Variants in GPC5 observed in about 807,000 individuals in gnomAD.
The protein encoded by GPC5 is glypican-5.
A neutral mutation model predicts 53.9 loss-of-function variants in GPC5; 47 were observed. That is an observed-to-expected ratio of 0.87 (90% CI 0.69 to 1.11). GPC5 has a LOEUF of 1.11. GPC5 is among the 50% of genes most tolerant of loss of function. The probability of loss-of-function intolerance (pLI) is 0.00; values close to 1 mark genes in which losing one functional copy is unlikely to be tolerated. For missense variants in GPC5, 748 were observed against 713.1 expected (o/e 1.05, Z -0.56); for synonymous variants, 286 against 263.3 (o/e 1.09, Z -0.84).
intron 7 of GPC5, among the ~76,000 whole-genome samples, chr13:92,815,384 A>C (rs1324987641): frequency 6.6e-6 from 1 of 151,990 alleles, no homozygotes; most frequent in South Asian, 2.1e-4. Context: ...AACAATCCCC[A>C]AATACAAAAT....
intron 5 of GPC5, among the ~76,000 whole-genome samples, chr13:91,868,916 C>T (rs975487096): frequency 1.3e-5 from 2 of 151,850 alleles, no homozygotes; most frequent in Non-Finnish European, 1.5e-5. Context: ...TTATGCAAGA[C>T]GGATGGGCCT....
intron 5 of GPC5, among the ~76,000 whole-genome samples, chr13:91,879,661 C>T (rs1051837860): frequency 3.9e-5 from 6 of 152,108 alleles, no homozygotes; most frequent in South Asian, 2.1e-4. Context: ...TTCCCAAAAG[C>T]GCCATCTCCA....
intron 4 of GPC5, among the ~76,000 whole-genome samples, chr13:91,755,381 G>C (rs975472920): frequency 5.9e-5 from 9 of 151,782 alleles, no homozygotes; most frequent in Non-Finnish European, 1.0e-4. Context: ...TCCTTCTTCT[G>C]CCCCTTCCTT....
At chr13:91,506,296 G>T (rs1884940470) in intron 2 of GPC5, among the ~76,000 whole-genome samples, 2 of 152,018 alleles carry the variant, frequency 1.3e-5, no homozygotes, top group African/African-American at 4.8e-5. Flanking sequence ...AGCATGAGAA[G>T]AAAATGAAAA....
At chr13:92,825,863 G>A (rs889667244) in intron 7 of GPC5, among the ~76,000 whole-genome samples, 2 of 152,060 alleles carry the variant, frequency 1.3e-5, no homozygotes, top group African/African-American at 4.8e-5. Flanking sequence ...ACTCAATGCT[G>A]TGTTTTTCAT....
intron 2 of GPC5, among the ~76,000 whole-genome samples, chr13:91,607,778 T>C (rs778311109): frequency 6.6e-6 from 1 of 152,234 alleles, no homozygotes; most frequent in Non-Finnish European, 1.5e-5. Flanking sequence ...AATCCACAGT[T>C]CATGTTCCCT....
At chr13:91,912,738 G>GT (rs35613479) in intron 6 of GPC5, among the ~76,000 whole-genome samples, 4 of 151,926 alleles carry the variant, frequency 2.6e-5, no homozygotes, top group African/African-American at 9.7e-5. Context: ...GTTGTGACCA[G>GT]TTTTTTATGA....
At chr13:92,822,657 G>A (rs779868404) in intron 7 of GPC5, among the ~76,000 whole-genome samples, 126 of 151,994 alleles carry the variant, frequency 8.3e-4, no homozygotes, top group South Asian at 2.1e-4. Flanking sequence ...GAGTTAAAGC[G>A]TTTGTCTCTG....
intron 7 of GPC5, among the ~76,000 whole-genome samples, chr13:92,710,774 C>G (rs1888107893): frequency 6.6e-6 from 1 of 152,114 alleles, no homozygotes; most frequent in Admixed American, 6.5e-5. Context: ...GTCAGGGGAT[C>G]AAGCTTTGTG....
At chr13:91,644,413 T>A (rs2034509309) in intron 2 of GPC5, among the ~76,000 whole-genome samples, 1 of 152,178 alleles carries the variant, frequency 6.6e-6, no homozygotes, top group Non-Finnish European at 1.5e-5. Flanking sequence ...ATGAAGAAAC[T>A]AGTATATTTT....
chr13:92,312,026 A>T (rs1047379539), intron 7 of GPC5, among the ~76,000 whole-genome samples: 2 of 152,154 alleles, frequency 1.3e-5, no homozygotes, highest in African/African-American at 4.8e-5. Context: ...AATAAGTCAG[A>T]TGTTATAGGA....
At chr13:91,564,328 A>C (rs1275187396) in intron 2 of GPC5, among the ~76,000 whole-genome samples, 1 of 152,196 alleles carries the variant, frequency 6.6e-6, no homozygotes, top group Non-Finnish European at 1.5e-5. Context: ...TGTCATAAAG[A>C]GGTAACAAGT....
chr13:91,480,415 G>A (rs913548446), intron 2 of GPC5, among the ~76,000 whole-genome samples: 31 of 152,308 alleles, frequency 2.0e-4, no homozygotes, highest in African/African-American at 6.0e-4. Flanking sequence ...TATAAAGAGC[G>A]ATGAGTGGTG....
intron 1 of GPC5, among the ~76,000 whole-genome samples, chr13:91,428,543 T>C (rs1044706073): frequency 6.6e-6 from 1 of 152,182 alleles, no homozygotes; most frequent in African/African-American, 2.4e-5. Context: ...GTCTGTGGAC[T>C]CTATTCCAAA....
intron 4 of GPC5, among the ~76,000 whole-genome samples, chr13:91,752,365 G>A (rs187289971): frequency 3.4e-4 from 51 of 152,208 alleles, no homozygotes; most frequent in African/African-American, 8.4e-4. Flanking sequence ...GATTATAGGC[G>A]TGAGCCACCA....
intron 7 of GPC5, among the ~76,000 whole-genome samples, chr13:92,772,958 T>A (rs1038912581): frequency 6.6e-6 from 1 of 152,136 alleles, no homozygotes; most frequent in African/African-American, 2.4e-5. Flanking sequence ...TACCAAAATA[T>A]AATAAGAAAA....
intron 5 of GPC5, among the ~76,000 whole-genome samples, chr13:91,768,422 T>G (rs1211179398): frequency 6.6e-6 from 1 of 152,180 alleles, no homozygotes; most frequent in Admixed American, 6.5e-5. Context: ...ATATTTTTTG[T>G]GTGGCTGCAA....
intron 7 of GPC5, among the ~76,000 whole-genome samples, chr13:92,630,197 T>C (rs994178635): frequency 6.6e-6 from 1 of 152,190 alleles, no homozygotes; most frequent in Non-Finnish European, 1.5e-5. Flanking sequence ...GGCAATGGAC[T>C]GTTCTACGTA....
chr13:91,579,770 A>G (rs1263718920), intron 2 of GPC5, among the ~76,000 whole-genome samples: 1 of 150,980 alleles, frequency 6.6e-6, no homozygotes, highest in Non-Finnish European at 1.5e-5. Flanking sequence ...CTGGGATTAC[A>G]GGCACCTGCC....
Sources: gnomAD v4.1 joint callset for allele counts (sites outside exome capture counted in the v4.1 genomes callset) on GRCh38, gnomAD v4.1.1 for gene constraint, MANE v1.5 for transcripts, NCBI Gene and HGNC (gene_info 2026-07-23, HGNC 2026-07-21) for gene names.